ZNF566: variants seen among roughly 807,000 people sequenced by gnomAD.
ZNF566 encodes the protein zinc finger protein 566.
A neutral mutation model predicts 32.8 loss-of-function variants in ZNF566; 27 were observed. The ratio of observed to expected loss-of-function variants is 0.82; its 90% CI spans 0.61 to 1.14. ZNF566 has a LOEUF of 1.14. ZNF566 is among the 50% of genes most tolerant of loss of function. ZNF566 has a pLI of 0.00. For missense variants in ZNF566, 402 were observed against 490.4 expected (o/e 0.82, Z 1.70); for synonymous variants, 154 against 159.5 (o/e 0.97, Z 0.26).
chr19:36,485,322 G>C lies in ZNF566; in HGVS notation c.-60+4164C>G, dbSNP rs561259359. On this transcript the variant is annotated intron_variant, in intron 1 of 4. Transcript: ENST00000452939. ...CCAGGAGTGGTGGTGTGCACCTGTA[G>C]TCCCAGCTACTCAGGGGCTGAGGTG... 2.0e-5 allele frequency among the ~76,000 whole-genome samples: 3 copies of C among 149,974 alleles called. No homozygotes were observed. In the South Asian group the frequency reaches 6.3e-4, roughly 32 times the overall value.
chr19:36,451,761 A>G (rs906449946), intron 4 of ZNF566, among the ~76,000 whole-genome samples: 1 of 152,106 alleles, frequency 6.6e-6, no homozygotes, highest in Non-Finnish European at 1.5e-5. Context: ...TAATCCCAGC[A>G]CTCTGCGGGG....
intron 1 of ZNF566, among the ~76,000 whole-genome samples, chr19:36,479,405 T>C (rs531252198): frequency 2.0e-5 from 3 of 152,268 alleles, no homozygotes; most frequent in South Asian, 4.1e-4. Context: ...ATAGAGACAA[T>C]ATATAAAAAT....
chr19:36,489,512 C>A lies in ZNF566; in HGVS notation c.-86G>T. 2.9e-6 allele frequency: 1 copy of A among 346,270 alleles called. No individual in the cohort carries two copies. Among genetic ancestry groups the A allele is most frequent in the South Asian group, 2.2e-5 (1 of 45,748 alleles). The allele number at this position is 346,270 out of a possible 1,614,324, so 21.4% of individuals were successfully genotyped here. On this transcript the variant is annotated 5_prime_UTR_variant, in exon 1 of 5. Transcript: ENST00000452939. ...AGCTTTCGAAGCAGCAGAACCCTCC[C>A]CGGCACTGGGGTAGTTGCTGGTAAA...
chr19:36,471,085 G>A (rs1460261084), intron 4 of ZNF566, among the ~76,000 whole-genome samples: 7 of 151,140 alleles, frequency 4.6e-5, no homozygotes, highest in Non-Finnish European at 7.4e-5. Flanking sequence ...ATGGTGGCAC[G>A]CACCTGTAAT....
chr19:36,455,024 A>C lies in ZNF566; in HGVS notation c.233-5023T>G, dbSNP rs190803520. The stretch of plus-strand genomic sequence containing the variant: ...CAACAGCACATTAAAAGGATCATGC[A>C]ACATGATCAAGTGAGATTTATTCCT... On this transcript the variant is annotated intron_variant, in intron 4 of 4. Transcript: ENST00000452939. Among the ~76,000 whole-genome samples, 17 of 152,348 alleles carry C rather than the reference A, an allele frequency of 1.1e-4. No individual in the cohort carries two copies. The East Asian group carries it at 2.7e-3, about 24-fold the overall frequency.
chr19:36,453,145 A>G (rs1289066225), intron 4 of ZNF566, among the ~76,000 whole-genome samples: 1 of 150,832 alleles, frequency 6.6e-6, no homozygotes, highest in Non-Finnish European at 1.5e-5. Context: ...ACAAAAAAAC[A>G]AACAAAAAAA....
chr19:36,487,647 C>A (rs968654076), intron 1 of ZNF566, among the ~76,000 whole-genome samples: 4 of 152,096 alleles, frequency 2.6e-5, no homozygotes, highest in Non-Finnish European at 4.4e-5. Context: ...CTGGCTCATG[C>A]CTGTAATCCC....
At chr19:36,457,621 G>A (rs886716395) in intron 4 of ZNF566, among the ~76,000 whole-genome samples, 4 of 152,212 alleles carry the variant, frequency 2.6e-5, no homozygotes, top group Non-Finnish European at 4.4e-5. Flanking sequence ...GCTGGTTACT[G>A]TGGCTCAGGC....
intron 4 of ZNF566, among the ~76,000 whole-genome samples, chr19:36,461,466 TTTG>T (rs1424483704): frequency 6.6e-6 from 1 of 151,918 alleles, no homozygotes; most frequent in African/African-American, 2.4e-5. Context: ...AGGTCAAGAG[TTTG>T]AGACCTGGCC....
intron 4 of ZNF566, among the ~76,000 whole-genome samples, chr19:36,462,849 C>T (rs975951943): frequency 5.5e-5 from 8 of 146,540 alleles, no homozygotes; most frequent in African/African-American, 1.0e-4. Flanking sequence ...CCAAGCTACT[C>T]GAGAGGCTGA....
At chr19:36,465,085 A>G (rs1350584438) in intron 4 of ZNF566, among the ~76,000 whole-genome samples, 2 of 152,192 alleles carry the variant, frequency 1.3e-5, no homozygotes, top group Non-Finnish European at 2.9e-5. Flanking sequence ...CTAATACAAA[A>G]TGGATCAAAA....
chr19:36,448,940 T>C lies in ZNF566; in HGVS notation c.*37A>G. ...GATAAATTCTGTTTTGAGCCATAAT[T>C]AAAAGCCTCCCTACACATTTCATAT... On this transcript the variant is annotated 3_prime_UTR_variant, in exon 5 of 5. Coordinates refer to ENST00000452939, the MANE Select transcript of ZNF566 (RefSeq NM_001145344.1). The C allele has an allele frequency of 6.7e-7, 1 of 1,493,470 alleles. No individual in the cohort carries two copies. The highest frequency in any genetic ancestry group is 2.3e-5 in the East Asian group (1 of 43,962). The allele number at this position is 1,493,470 out of a possible 1,614,324, so 92.5% of individuals were successfully genotyped here.
intron 4 of ZNF566, among the ~76,000 whole-genome samples, chr19:36,461,672 G>A (rs2033466342): frequency 6.6e-6 from 1 of 151,666 alleles, no homozygotes; most frequent in African/African-American, 2.4e-5. Context: ...CTCTGTCTCA[G>A]AAAAAATAAA....
intron 1 of ZNF566, among the ~76,000 whole-genome samples, chr19:36,482,222 C>A (rs1209072708): frequency 1.3e-5 from 2 of 152,202 alleles, no homozygotes; most frequent in Non-Finnish European, 2.9e-5. Context: ...TCTCCTGCCT[C>A]AGCCTCTCCA....
intron 1 of ZNF566, among the ~76,000 whole-genome samples, chr19:36,477,526 G>GTTTTTTTTTTTCTTTTTT (rs767741591): frequency 9.3e-6 from 1 of 107,002 alleles, no homozygotes. Flanking sequence ...TTCTGTTTCT[G>GTTTTTTTTTTTCTTTTTT]TTTTTTTTTT....
chr19:36,474,822 G>A (rs2033845977), intron 2 of ZNF566, among the ~76,000 whole-genome samples: 1 of 152,106 alleles, frequency 6.6e-6, no homozygotes, highest in African/African-American at 2.4e-5. Flanking sequence ...TACAACAAAT[G>A]CTATTCATAT....
At position 36,448,295 on chromosome 19, in the gene ZNF566, G is replaced by A. The variant is rs1473038776; in HGVS notation, c.*682C>T. Reference sequence around the variant, plus strand: ...CCAGCAGGGACTTGTATTTTGGCATGTATTATGGCAAAATATCTAGAGGAG... The same window carrying A: ...CCAGCAGGGACTTGTATTTTGGCATATATTATGGCAAAATATCTAGAGGAG... On this transcript the variant is annotated 3_prime_UTR_variant, in exon 5 of 5. Transcript: ENST00000452939. The A allele has an allele frequency of 1.3e-5, 2 of 152,112 alleles. No homozygotes were observed. The highest frequency in any genetic ancestry group is 2.9e-5 in the Non-Finnish European group (2 of 68,008). 9.4% of individuals were successfully genotyped at this position (152,112 alleles called of 1,614,324 possible). A position where few individuals can be genotyped will look rare whatever the true frequency, so the allele number is the denominator to read the frequency against.
intron 2 of ZNF566, among the ~76,000 whole-genome samples, chr19:36,474,517 C>T (rs1014444363): frequency 2.6e-5 from 4 of 152,120 alleles, no homozygotes; most frequent in Admixed American, 6.6e-5. Context: ...TCAGGAAAAA[C>T]GAAAGTGCAG....
chr19:36,460,352 A>C (rs763074327), intron 4 of ZNF566, among the ~76,000 whole-genome samples: 3 of 152,192 alleles, frequency 2.0e-5, no homozygotes, highest in Non-Finnish European at 4.4e-5. Flanking sequence ...AAAAATAGAA[A>C]GTTTCAGCAA....
Sources: gnomAD v4.1 joint callset for allele counts (sites outside exome capture counted in the v4.1 genomes callset) on GRCh38, gnomAD v4.1.1 for gene constraint, MANE v1.5 for transcripts, NCBI Gene and HGNC (gene_info 2026-07-23, HGNC 2026-07-21) for gene names.